ARHGEF16: variants seen among roughly 807,000 people sequenced by gnomAD.
ARHGEF16 encodes the protein Rho guanine nucleotide exchange factor 16.
A neutral mutation model predicts 74.1 loss-of-function variants in ARHGEF16; 59 were observed. The observed-to-expected ratio is 0.80, with a 90% CI of 0.65 to 0.99. ARHGEF16 has a LOEUF of 0.99. Ranked by LOEUF, ARHGEF16 falls within the 50% of genes least tolerant of loss-of-function variation. The probability of loss-of-function intolerance (pLI) is 0.00; values close to 1 mark genes in which losing one functional copy is unlikely to be tolerated. For missense variants in ARHGEF16, 948 were observed against 986.6 expected, an observed-to-expected ratio of 0.96 and a Z score of 0.52; for synonymous variants, 415 against 412.6, an observed-to-expected ratio of 1.01 and a Z score of -0.07.
intron 9 of ARHGEF16, 23 bp from the exon 10 acceptor site, chr1:3,475,947 C>A: frequency 1.3e-6 from 2 of 1,545,610 alleles, no homozygotes; most frequent in Admixed American, 2.0e-5. Flanking sequence ...ACCAGCCTCT[C>A]ACACGGGAAC....
intron 11 of ARHGEF16, 153 bp downstream of exon 11, chr1:3,478,179 C>T (rs752486010): frequency 1.3e-4 from 145 of 1,147,924 alleles, no homozygotes; most frequent in Non-Finnish European, 1.6e-4. Flanking sequence ...ACGTGACACT[C>T]GGGGGCAGGT....
intron 5 of ARHGEF16, 65 bp downstream of exon 5, chr1:3,469,001 G>T: frequency 2.0e-6 from 3 of 1,536,608 alleles, no homozygotes; most frequent in Non-Finnish European, 2.6e-6. Flanking sequence ...CCGGGGAGGG[G>T]CAGCAGCCAC....
intron 10 of ARHGEF16, among the ~76,000 whole-genome samples, chr1:3,476,275 C>A (rs1044288748): frequency 6.6e-6 from 1 of 152,168 alleles, no homozygotes; most frequent in African/African-American, 2.4e-5. Context: ...GACCCCTCCC[C>A]TAATCCCACT....
chr1:3,472,325 G>T (rs1639748415), intron 6 of ARHGEF16, among the ~76,000 whole-genome samples: 1 of 152,258 alleles, frequency 6.6e-6, no homozygotes, highest in African/African-American at 2.4e-5. Flanking sequence ...CCCTGGCCTA[G>T]CTCTGACCAA....
At chr1:3,467,386 C>G (rs1293192730) in intron 4 of ARHGEF16, 49 bp downstream of exon 4, 1 of 1,511,908 alleles carries the variant, frequency 6.6e-7, no homozygotes, top group Non-Finnish European at 8.9e-7. Context: ...AGGGAGAAGC[C>G]ACAGTCCCCC....
intron 1 of ARHGEF16, among the ~76,000 whole-genome samples, chr1:3,457,086 C>G (rs1639281799): frequency 6.6e-6 from 1 of 152,224 alleles, no homozygotes; most frequent in African/African-American, 2.4e-5. Context: ...GCCCTGGGGG[C>G]CAAAACTGCC....
Position 3,469,491 on chromosome 1 carries a change from T to C in ARHGEF16, c.920T>C (p.Val307Ala), listed in dbSNP as rs370324875. 4.3e-5 allele frequency: 70 copies of C among 1,613,196 alleles called. 1 individual carries two copies. The highest frequency in any genetic ancestry group is 2.2e-4 in the Admixed American group (13 of 60,024). ...FSYQHSLSIL[V>A]EEFLQSKELR... ...TACCAGCACAGCCTGAGCATCCTGGTGGAGGAGTTCCTGCAGTCCAAGGAG... is the reference window on the plus strand; with the variant it reads ...TACCAGCACAGCCTGAGCATCCTGGCGGAGGAGTTCCTGCAGTCCAAGGAG... The change falls in exon 6 of 15, where the codon GTG (valine) becomes GCG (alanine). Residue 307 changes from valine (V) to alanine (A), a missense_variant. Transcript: ENST00000378378.
chr1:3,477,916 CG>C lies in ARHGEF16; in HGVS notation c.1517del (p.Gly506GlufsTer5). The C allele has an allele frequency of 6.2e-7, 1 of 1,612,668 alleles. No individual in the cohort carries two copies. The highest frequency in any genetic ancestry group is 8.5e-7 in the Non-Finnish European group (1 of 1,179,920). On this transcript the variant is annotated frameshift_variant, in exon 11 of 15. Transcript: ENST00000378378. LOFTEE classifies it high-confidence loss of function. The stretch of plus-strand genomic sequence containing the variant: ...CTGCCTCCCGGTGGCTGCTGAAGCG[CG>C]GAGAGCTGTTCTTAGTGGAAGAAAC... ...ISASRWLLKR[G>X]ELFLVEETGL...
chr1:3,479,561 G>A lies in ARHGEF16; in HGVS notation c.1859G>A (p.Arg620Lys), dbSNP rs751409746. 1 of 1,612,598 alleles carries A rather than the reference G, an allele frequency of 6.2e-7. No individual in the cohort carries two copies. Among genetic ancestry groups the A allele is most frequent in the South Asian group, 1.1e-5 (1 of 91,046 alleles). Reference protein sequence around the residue: ...RWIVALTHSERQWQGLSSKGD... With the variant: ...RWIVALTHSEKQWQGLSSKGD... ...ATCGTGGCGCTCACACACAGTGAGA[G>A]ACAGTGGCAGGGCCTCTCCAGCAAA... The change falls in exon 13 of 15, where the codon AGA becomes AAA. Residue 620 changes from arginine to lysine, a missense_variant. Coordinates refer to ENST00000378378, the MANE Select transcript of ARHGEF16 (RefSeq NM_014448.4).
intron 4 of ARHGEF16, chr1:3,468,655 C>A: frequency 1.8e-6 from 1 of 569,832 alleles, no homozygotes; most frequent in Non-Finnish European, 3.2e-6. Flanking sequence ...GGGGCTCTGG[C>A]GGCTGGGGGG....
In ARHGEF16 at chr1:3,467,263, A is replaced by C; in HGVS notation, c.730A>C (p.Thr244Pro). 1 of 1,550,424 alleles carries C rather than the reference A, an allele frequency of 6.4e-7. No homozygotes were observed. The highest frequency in any genetic ancestry group is 8.7e-7 in the Non-Finnish European group (1 of 1,146,884). The change falls in exon 4 of 15, where the codon ACC becomes CCC. Residue 244 changes from threonine to proline, a missense_variant. Thr to Pro is a conservative substitution (Grantham distance 38). Coordinates refer to ENST00000378378, the MANE Select transcript of ARHGEF16 (RefSeq NM_014448.4). ...CGATGAGTCCTCCAGCCCCGAGGGA[A>C]CCCAGAAGGTGGACGCCACCATTGT... ...ILDESSSPEG[T>P]QKVDATIVVK...
intron 4 of ARHGEF16, among the ~76,000 whole-genome samples, chr1:3,467,755 G>A (rs1639589333): frequency 1.3e-5 from 2 of 152,156 alleles, no homozygotes; most frequent in Admixed American, 1.3e-4. Context: ...GAAATTGGGG[G>A]CCCGTCCCTG....
intron 10 of ARHGEF16, among the ~76,000 whole-genome samples, chr1:3,476,928 C>T (rs1045218104): frequency 1.3e-5 from 2 of 152,120 alleles, no homozygotes; most frequent in Non-Finnish European, 2.9e-5. Context: ...AGCCCTCACG[C>T]TTGTCTCCCT....
chr1:3,469,710 A>T (rs768041610), intron 6 of ARHGEF16, 117 bp downstream of exon 6: 3 of 1,399,278 alleles, frequency 2.1e-6, no homozygotes, highest in South Asian at 2.7e-5. Flanking sequence ...CTTGATGTGG[A>T]TGGTTTAGAG....
At position 3,479,780 on chromosome 1, in the gene ARHGEF16, G is replaced by A. The variant is rs541851438; in HGVS notation, c.1889-32G>A. 35 of 1,605,970 alleles carry A rather than the reference G, an allele frequency of 2.2e-5. No individual in the cohort carries two copies. The East Asian group carries it at 2.2e-4, about 10-fold the overall frequency. On this transcript the variant is annotated intron_variant, in intron 13 of 14. Transcript: ENST00000378378. ...GAGTGGAGCCTGGCCCATGCCTCCC[G>A]ACAGCCCTGTGATGGCCACTGCCCT...
rs1466591543 is a variant in ARHGEF16 at position 3,480,824 on chromosome 1, A to G, written c.*237A>G. The G allele has an allele frequency of 3.4e-6, 2 of 592,312 alleles. No individual in the cohort carries two copies. Among genetic ancestry groups the G allele is most frequent in the South Asian group, 2.2e-5 (1 of 45,416 alleles). 36.7% of individuals were successfully genotyped at this position (592,312 alleles called of 1,614,324 possible). A position where few individuals can be genotyped will look rare whatever the true frequency, so the allele number is the denominator to read the frequency against. On this transcript the variant is annotated 3_prime_UTR_variant, in exon 15 of 15. Coordinates refer to ENST00000378378, the MANE Select transcript of ARHGEF16 (RefSeq NM_014448.4). ...GGCCACACCGTGTCCCAGGGAGCCC[A>G]GCCTATTCCCGTTGGCTGGCTGGGC...
At position 3,466,131 on chromosome 1, in the gene ARHGEF16, GTC is replaced by G. The variant is rs757428355; in HGVS notation, c.589-11_589-10del. On this transcript the variant is annotated splice_polypyrimidine_tract_variant and intron_variant, in intron 2 of 14. Transcript: ENST00000378378. Reference sequence around the variant, plus strand: ...CCCGGCTGACAGCTGCGGTTTCTGTGTCTCTCTTTTGTGCAGAAGACGCTGGG... The same window carrying G: ...CCCGGCTGACAGCTGCGGTTTCTGTGTCTCTTTTGTGCAGAAGACGCTGGG... 1.2e-5 allele frequency: 18 copies of G among 1,548,426 alleles called. No homozygotes were observed. The highest frequency in any genetic ancestry group is 2.7e-5 in the African/African-American group (2 of 72,974).
intron 3 of ARHGEF16, 29 bp from the exon 4 acceptor site, chr1:3,467,139 G>A: frequency 6.5e-7 from 1 of 1,540,254 alleles, no homozygotes; most frequent in South Asian, 1.2e-5. Context: ...ATCCCCCAGG[G>A]CCACAGGTTA....
chr1:3,464,626 T>A (rs1639492853), intron 2 of ARHGEF16, among the ~76,000 whole-genome samples: 1 of 152,130 alleles, frequency 6.6e-6, no homozygotes, highest in African/African-American at 2.4e-5. Context: ...TCAGACGTGT[T>A]GGAAAACAGG....
Sources: allele counts gnomAD v4.1 joint callset (sites outside exome capture counted in the v4.1 genomes callset), GRCh38; gene constraint gnomAD v4.1.1; transcripts MANE v1.5; gene names NCBI Gene and HGNC (gene_info 2026-07-23, HGNC 2026-07-21).